DPP6: variants seen among roughly 807,000 people sequenced by gnomAD.
DPP6 encodes the protein A-type potassium channel modulatory protein DPP6.
In DPP6, 69 loss-of-function variants were observed where a neutral mutation model predicts 122.6. The ratio of observed to expected loss-of-function variants is 0.56; its 90% CI spans 0.46 to 0.69. DPP6 has a LOEUF of 0.69. Ranked by LOEUF, DPP6 falls within the 30% of genes least tolerant of loss-of-function variation. The probability of loss-of-function intolerance (pLI) is 0.00; values close to 1 mark genes in which losing one functional copy is unlikely to be tolerated. For synonymous variants in DPP6, 418 were observed against 433.1 expected, an observed-to-expected ratio of 0.97 and a Z score of 0.43; for missense variants, 928 against 1,116.9, an observed-to-expected ratio of 0.83 and a Z score of 2.41.
chr7:154,598,153 A>G (rs1217871490), intron 5 of DPP6, among the ~76,000 whole-genome samples: 1 of 152,226 alleles, frequency 6.6e-6, no homozygotes, highest in Non-Finnish European at 1.5e-5. Context: ...TATTAAAACA[A>G]TGAAATGTTT....
chr7:154,067,412 A>G (rs990978927), intron 1 of DPP6, among the ~76,000 whole-genome samples: 1 of 150,778 alleles, frequency 6.6e-6, no homozygotes, highest in African/African-American at 2.4e-5. Context: ...TAACCTTGAG[A>G]AGGAGGAGAA....
intron 4 of DPP6, among the ~76,000 whole-genome samples, chr7:154,553,314 G>T (rs900760460): frequency 6.6e-6 from 1 of 152,128 alleles, no homozygotes; most frequent in Non-Finnish European, 1.5e-5. Flanking sequence ...GTTGTCTGGG[G>T]TTTTTCGAGA....
intron 1 of DPP6, among the ~76,000 whole-genome samples, chr7:154,240,277 G>C (rs1160330034): frequency 4.6e-5 from 7 of 152,100 alleles, no homozygotes; most frequent in Admixed American, 4.6e-4. Flanking sequence ...AGCGTAGATT[G>C]TCTCTGTTAC....
chr7:154,702,681 G>T (rs1840591472), intron 7 of DPP6, among the ~76,000 whole-genome samples: 2 of 152,248 alleles, frequency 1.3e-5, no homozygotes, highest in Admixed American at 6.5e-5. Context: ...AGCTAACAGA[G>T]GGTGGTTCAT....
chr7:154,019,354 TTTCTCTTTTCTC>T (rs1798585606), intron 1 of DPP6, among the ~76,000 whole-genome samples: 1 of 152,040 alleles, frequency 6.6e-6, no homozygotes, highest in South Asian at 2.1e-4. Flanking sequence ...TTTCTTTTCT[TTTCTCTTTTCTC>T]TCTTCTCTTT....
At chr7:154,279,779 T>C (rs578213998) in intron 1 of DPP6, among the ~76,000 whole-genome samples, 3 of 152,328 alleles carry the variant, frequency 2.0e-5, no homozygotes, top group African/African-American at 7.2e-5. Flanking sequence ...TCCCGTGATT[T>C]TGTCTAACTC....
intron 1 of DPP6, among the ~76,000 whole-genome samples, chr7:153,928,396 ATTTTTTTTTTTT>A (rs71182854): frequency 2.3e-5 from 1 of 43,672 alleles, no homozygotes; most frequent in East Asian, 6.3e-4. Flanking sequence ...CTTTTCTTTC[ATTTTTTTTTTTT>A]TTTTTTTTTT....
At chr7:154,458,687 T>G (rs1250457341) in intron 2 of DPP6, among the ~76,000 whole-genome samples, 2 of 152,202 alleles carry the variant, frequency 1.3e-5, no homozygotes, top group Non-Finnish European at 2.9e-5. Context: ...ATTGCCACTT[T>G]TACGGTGGCC....
rs1801650667 is a variant in DPP6, at chr7:154,241,962, A to G, written c.243+188899A>G. On this transcript the variant is annotated intron_variant, in intron 1 of 25. Coordinates refer to ENST00000377770, the MANE Select transcript of DPP6 (RefSeq NM_130797.4). The surrounding 1 kb of genome is among the most constrained non-coding windows in gnomAD (Gnocchi z 9.0). ...ATGTTAATCAAATTCTTTGCATGTG[A>G]TTGCTCAGTCTCTTTTAACTTGAAA... 6.6e-6 allele frequency among the ~76,000 whole-genome samples: 1 copy of G among 152,150 alleles called. No individual in the cohort carries two copies. The highest frequency in any genetic ancestry group is 1.5e-5 in the Non-Finnish European group (1 of 68,036).
At chr7:153,942,134 T>A (rs1202992751) in intron 1 of DPP6, among the ~76,000 whole-genome samples, 1 of 152,260 alleles carries the variant, frequency 6.6e-6, no homozygotes, top group Non-Finnish European at 1.5e-5. Context: ...CCGTTGTGCA[T>A]GTTTCGATTA....
At chr7:154,640,132 G>A (rs1835976206) in intron 6 of DPP6, among the ~76,000 whole-genome samples, 1 of 152,152 alleles carries the variant, frequency 6.6e-6, no homozygotes, top group African/African-American at 2.4e-5. Flanking sequence ...CACACCTCTA[G>A]TCCCAGCTAC....
intron 7 of DPP6, among the ~76,000 whole-genome samples, chr7:154,671,868 A>ACTCACACGTG (rs1554431536): frequency 3.3e-5 from 5 of 150,486 alleles, no homozygotes. Context: ...ACACATGCAC[A>ACTCACACGTG]CACACACACA....
At chr7:154,079,257 G>A (rs894134990) in intron 1 of DPP6, among the ~76,000 whole-genome samples, 2 of 152,124 alleles carry the variant, frequency 1.3e-5, no homozygotes, top group African/African-American at 2.4e-5. Flanking sequence ...AAAATGCTAC[G>A]TTAGCTGTTT....
At chr7:153,789,453 T>C in the DPP6 span, among the ~76,000 whole-genome samples, 88 of 152,328 alleles carry the variant, frequency 5.8e-4, no homozygotes, top group African/African-American at 1.8e-3. Context: ...CATACCTGAA[T>C]ACCTAATGAG....
chr7:153,773,688 G>T, the DPP6 span, among the ~76,000 whole-genome samples: 1 of 151,432 alleles, frequency 6.6e-6, no homozygotes, highest in Admixed American at 6.6e-5. Context: ...ATCAGAATTT[G>T]TGTAATGAAC....
At chr7:153,891,018 A>ATTTTTT (rs71182849) in intron 1 of DPP6, among the ~76,000 whole-genome samples, 6 of 59,176 alleles carry the variant, frequency 1.0e-4, no homozygotes, top group East Asian at 9.7e-4. Context: ...TTCTATTTTA[A>ATTTTTT]TTTTTTTTTT....
chr7:154,620,897 G>A (rs778916678), intron 5 of DPP6, among the ~76,000 whole-genome samples: 1 of 152,170 alleles, frequency 6.6e-6, no homozygotes, highest in African/African-American at 2.4e-5. Flanking sequence ...ACAATCAGAG[G>A]CCTATCAAAA....
intron 1 of DPP6, among the ~76,000 whole-genome samples, chr7:154,399,127 GA>G (rs1815350276): frequency 6.6e-6 from 1 of 152,110 alleles, no homozygotes; most frequent in African/African-American, 2.4e-5. Context: ...AAGCAACAAT[GA>G]CAATGAATCT....
At chr7:154,292,286 T>A (rs1023278814) in intron 1 of DPP6, among the ~76,000 whole-genome samples, 3 of 152,208 alleles carry the variant, frequency 2.0e-5, no homozygotes, top group Admixed American at 6.5e-5. Flanking sequence ...TTCACCCTAG[T>A]GACTGTTCTC....
Sources: allele counts gnomAD v4.1 joint callset (sites outside exome capture counted in the v4.1 genomes callset), GRCh38; gene constraint gnomAD v4.1.1; non-coding constraint Gnocchi (gnomAD v3.1); transcripts MANE v1.5; gene names NCBI Gene and HGNC (gene_info 2026-07-23, HGNC 2026-07-21).